The following BZW1 variants were observed in gnomAD, a reference collection of about 807,000 sequenced individuals.
BZW1 encodes eIF5-mimic protein 2.
Under a neutral mutation model 54.1 loss-of-function variants are expected in BZW1, and 3 were observed. That is an observed-to-expected ratio of 0.06 (90% CI 0.03 to 0.14). The LOEUF is 0.14. Ranked by LOEUF, BZW1 falls within the 10% of genes least tolerant of loss-of-function variation. BZW1 has a pLI of 1.00. For missense variants in BZW1, 206 were observed against 491.7 expected (o/e 0.42, Z 5.50); for synonymous variants, 152 against 162.7 (o/e 0.93, Z 0.50).
rs2038090024 is a variant in BZW1 at position 200,812,179 on chromosome 2, G to C, written c.-11+189G>C. ...TCGGCAGGGAGGCCGAGGGGTAGCG[G>C]CGGCCCGGGTGGGGAGGTGGGGTCC... On this transcript the variant is annotated intron_variant, in intron 1 of 11. Coordinates refer to ENST00000409600, the MANE Select transcript of BZW1 (RefSeq NM_001207067.2). The C allele has an allele frequency of 2.5e-6, 3 of 1,197,760 alleles. No homozygotes were observed. In the South Asian group the frequency reaches 1.3e-4, roughly 51 times the overall value. The allele number at this position is 1,197,760 out of a possible 1,614,324, so 74.2% of individuals were successfully genotyped here.
rs1221917628 is a variant in BZW1, at chr2:200,825,758, T to C, written c.*3580T>C. 6.6e-6 allele frequency: 1 copy of C among 152,256 alleles called. No individual in the cohort carries two copies. The highest frequency in any genetic ancestry group is 1.5e-5 in the Non-Finnish European group (1 of 68,042). 9.4% of individuals were successfully genotyped at this position (152,256 alleles called of 1,614,324 possible). A position where few individuals can be genotyped will look rare whatever the true frequency, so the allele number is the denominator to read the frequency against. ...TAACACTGATAAACCTCTGCTCTCA[T>C]ACTGAAGTAGGCTGCTTGCAGGAAC... On this transcript the variant is annotated 3_prime_UTR_variant, in exon 12 of 12. Transcript: ENST00000409600.
chr2:200,818,438 A>G (rs2038373378), intron 8 of BZW1, 45 bp downstream of exon 8: 7 of 1,571,996 alleles, frequency 4.5e-6, no homozygotes, highest in Admixed American at 2.1e-5. Context: ...AGCTTCTGGC[A>G]TAGAGATTTT....
rs772822722 is a variant in BZW1 at position 200,817,201 on chromosome 2, C to T, written c.498C>T (p.Ser166=). 1.9e-6 allele frequency: 3 copies of T among 1,613,662 alleles called. No homozygotes were observed. The South Asian group carries it at 3.3e-5, about 18-fold the overall frequency. ...VLLANGTLNA[S]ILNSLYNENL... ...TGGCTAATGGAACACTTAATGCATC[C>T]ATTCTTAATAGCCTTTATAATGAAA... is the stretch of plus-strand genomic sequence containing the variant. The change falls in exon 6 of 12, where the codon TCC becomes TCT. Residue 166 remains serine (S), a synonymous_variant. Transcript: ENST00000409600.
chr2:200,812,089 G>A, intron 1 of BZW1, 99 bp downstream of exon 1: 1 of 572,682 alleles, frequency 1.7e-6, no homozygotes. Flanking sequence ...GCCCGGCTTG[G>A]ATGGGCCCGA....
chr2:200,815,555 A>G (rs1209852066), intron 3 of BZW1, 38 bp downstream of exon 3: 1 of 1,610,570 alleles, frequency 6.2e-7, no homozygotes. Context: ...TAATTTAGAA[A>G]GGTATAATAT....
chr2:200,816,314 GTTC>G lies in BZW1; in HGVS notation c.337-7_337-5del, dbSNP rs1393132220. On this transcript the variant is annotated splice_region_variant and splice_polypyrimidine_tract_variant and intron_variant, in intron 4 of 11. Coordinates refer to ENST00000409600, the MANE Select transcript of BZW1 (RefSeq NM_001207067.2). ...TATGAAGTTACTGAATTCATTTAATGTTCTTCATAGGTTTTTAACAAGTTAATC... is the reference window on the plus strand; with the variant it reads ...TATGAAGTTACTGAATTCATTTAATGTTCATAGGTTTTTAACAAGTTAATC... 3.8e-6 allele frequency: 6 copies of G among 1,565,328 alleles called. No homozygotes were observed. In the Admixed American group the frequency reaches 5.2e-5, roughly 14 times the overall value.
chr2:200,815,601 T>A, intron 3 of BZW1, 66 bp from the exon 4 acceptor site: 3 of 1,592,166 alleles, frequency 1.9e-6, no homozygotes, highest in Non-Finnish European at 2.6e-6. Context: ...ATGAACTATT[T>A]GGCAAACTTG....
chr2:200,826,067 TGATTTAA>T lies in BZW1; in HGVS notation c.*3891_*3897del, dbSNP rs2105715613. ...GGAATAAAAAGGTTTTCAGTGGACT[TGATTTAA>T]GTGGAATCTGGATGATGTGACAAGT... On this transcript the variant is annotated 3_prime_UTR_variant, in exon 12 of 12. Coordinates refer to ENST00000409600, the MANE Select transcript of BZW1 (RefSeq NM_001207067.2). 1 of 152,318 alleles carries T rather than the reference TGATTTAA, an allele frequency of 6.6e-6. No homozygotes were observed. Among genetic ancestry groups the T allele is most frequent in the Non-Finnish European group, 1.5e-5 (1 of 68,034 alleles). 9.4% of individuals were successfully genotyped at this position (152,318 alleles called of 1,614,324 possible).
rs199729181 is a variant in BZW1 at position 200,818,732 on chromosome 2, A to T, written c.820-23A>T. The T allele has an allele frequency of 2.4e-3, 3,701 of 1,571,472 alleles. 9 individuals carry two copies. The highest frequency in any genetic ancestry group is 2.7e-3 in the Non-Finnish European group (3,196 of 1,168,034). ...TACATAATCAAAACTGACTTCTGTT[A>T]CTAAATTTGGATTCATTTGCAGATA... On this transcript the variant is annotated intron_variant, in intron 8 of 11. Coordinates refer to ENST00000409600, the MANE Select transcript of BZW1 (RefSeq NM_001207067.2).
At chr2:200,815,902 C>T (rs565379495) in intron 4 of BZW1, 141 bp downstream of exon 4, 9 of 801,426 alleles carry the variant, frequency 1.1e-5, no homozygotes, top group African/African-American at 8.9e-5. Flanking sequence ...CTTGGTGCAA[C>T]GGGATGAATT....
At position 200,817,160 on chromosome 2, in the gene BZW1, T is replaced by C. The variant is rs2038326458; in HGVS notation, c.457T>C (p.Leu153=). Residue 153 remains leucine, a synonymous_variant, in exon 6 of 12, where the codon TTG becomes CTG. Transcript: ENST00000409600. ...GTCGGAGAGGAACAAGCTAGCTATGTTGACTGGTGTTCTTCTGGCTAATGG... is the reference window on the plus strand; with the variant it reads ...GTCGGAGAGGAACAAGCTAGCTATGCTGACTGGTGTTCTTCTGGCTAATGG... ...SESERNKLAM[L]TGVLLANGTL... The C allele has an allele frequency of 6.2e-7, 1 of 1,613,930 alleles. No homozygotes were observed. Among genetic ancestry groups the C allele is most frequent in the Non-Finnish European group, 8.5e-7 (1 of 1,179,854 alleles).
chr2:200,818,470 T>TC, intron 8 of BZW1, 77 bp downstream of exon 8: 1 of 1,482,172 alleles, frequency 6.7e-7, no homozygotes, highest in Non-Finnish European at 9.2e-7. Context: ...GGAACTTACT[T>TC]CACCAGGATG....
At position 200,811,946 on chromosome 2, in the gene BZW1, G is replaced by C. The variant is rs1401556387; in HGVS notation, c.-55G>C. ...CAGAGGAGACACCGCCGCAGTTGCC[G>C]GTACATCGGGGATTTCTGGCTCTTT... On this transcript the variant is annotated 5_prime_UTR_variant, in exon 1 of 12. Transcript: ENST00000409600. 6.8e-6 allele frequency: 2 copies of C among 292,186 alleles called. No individual in the cohort carries two copies. The highest frequency in any genetic ancestry group is 5.2e-5 in the Admixed American group (1 of 19,278). The allele number at this position is 292,186 out of a possible 1,614,324, so 18.1% of individuals were successfully genotyped here. A position where few individuals can be genotyped will look rare whatever the true frequency, so the allele number is the denominator to read the frequency against.
Position 200,826,863 on chromosome 2 carries a change from C to T in BZW1, c.*4685C>T, listed in dbSNP as rs1172142142. 6.6e-6 allele frequency: 1 copy of T among 151,720 alleles called. No individual in the cohort carries two copies. Among genetic ancestry groups the T allele is most frequent in the Non-Finnish European group, 1.5e-5 (1 of 67,976 alleles). The allele number at this position is 151,720 out of a possible 1,614,324, so 9.4% of individuals were successfully genotyped here. A position where few individuals can be genotyped will look rare whatever the true frequency, so the allele number is the denominator to read the frequency against. ...GCTGTTCTGTTTCCAGTCAGTGTAA[C>T]CATTTAAAAATACCTTGGCAAAACA... On this transcript the variant is annotated 3_prime_UTR_variant, in exon 12 of 12. Transcript: ENST00000409600.
At chr2:200,812,585 G>T in intron 1 of BZW1, 2 of 1,403,962 alleles carry the variant, frequency 1.4e-6, no homozygotes, top group South Asian at 1.6e-5. Flanking sequence ...GCTCGGGCGG[G>T]AGGCATGGGA....
intron 11 of BZW1, 86 bp from the exon 12 acceptor site, chr2:200,822,059 ACT>A (rs1038911660): frequency 1.1e-4 from 130 of 1,231,978 alleles, no homozygotes; most frequent in Admixed American, 5.4e-4. Flanking sequence ...ACAGAGGGAG[ACT>A]CTGTCTTAAA....
intron 1 of BZW1, chr2:200,812,478 C>G: frequency 7.5e-7 from 1 of 1,335,774 alleles, no homozygotes; most frequent in Non-Finnish European, 9.6e-7. Flanking sequence ...CGGCGGCCGC[C>G]ACCGCAGGCG....
rs1342351757 is a variant in BZW1, at chr2:200,818,907, A to C, written c.966+6A>C. 1.9e-6 allele frequency: 3 copies of C among 1,565,682 alleles called. No individual in the cohort carries two copies. Among genetic ancestry groups the C allele is most frequent in the South Asian group, 2.4e-5 (2 of 82,868 alleles). On this transcript the variant is annotated splice_donor_region_variant and intron_variant, in intron 9 of 11. Coordinates refer to ENST00000409600, the MANE Select transcript of BZW1 (RefSeq NM_001207067.2). ...AAGCCATCAAGCACTTGAAGGTATT[A>C]GAACTATGCCTTGACAAAACAAACT...
At position 200,826,410 on chromosome 2, in the gene BZW1, T is replaced by TAGATAGATAGATAGATAGA. The variant is rs1559318421; in HGVS notation, c.*4232_*4233insAGATAGATAGATAGATAGA. 5.4e-5 allele frequency: 3 copies of TAGATAGATAGATAGATAGA among 55,948 alleles called. No homozygotes were observed. The highest frequency in any genetic ancestry group is 3.9e-4 in the Admixed American group (2 of 5,084). The allele number at this position is 55,948 out of a possible 1,614,324, so 3.5% of individuals were successfully genotyped here. A position where few individuals can be genotyped will look rare whatever the true frequency, so the allele number is the denominator to read the frequency against. ...ATAGATAGATAGATAGATAGATATT[T>TAGATAGATAGATAGATAGA]TTTTTTTTTTTTTTTTTTTTTTTTT... On this transcript the variant is annotated 3_prime_UTR_variant, in exon 12 of 12. Coordinates refer to ENST00000409600, the MANE Select transcript of BZW1 (RefSeq NM_001207067.2).
Sources: gnomAD v4.1 joint callset for allele counts on GRCh38, gnomAD v4.1.1 for gene constraint, MANE v1.5 for transcripts, NCBI Gene and HGNC (gene_info 2026-07-23, HGNC 2026-07-21) for gene names.